SPICE1: variants seen among roughly 807,000 people sequenced by gnomAD.
SPICE1 encodes spindle and centriole-associated protein 1.
In SPICE1, 75 loss-of-function variants were observed where a neutral mutation model predicts 102.7. The observed-to-expected ratio is 0.73, with a 90% CI of 0.61 to 0.88. The LOEUF (loss-of-function observed/expected upper bound fraction) is 0.88. Among genes scored for constraint, SPICE1 ranks in the 40% least tolerant of loss-of-function variants. SPICE1 has a pLI of 0.00. For missense variants in SPICE1, 979 were observed against 1,020.1 expected (o/e 0.96, Z 0.55); for synonymous variants, 308 against 350.3 (o/e 0.88, Z 1.35).
At chr3:113,453,038 T>C (rs893196203) in intron 14 of SPICE1, among the ~76,000 whole-genome samples, 2 of 152,104 alleles carry the variant, frequency 1.3e-5, no homozygotes, top group Non-Finnish European at 2.9e-5. Flanking sequence ...CTCATTTCTA[T>C]AGGAAAATCC....
intron 7 of SPICE1, among the ~76,000 whole-genome samples, chr3:113,480,473 A>C (rs888065697): frequency 3.3e-5 from 5 of 152,190 alleles, no homozygotes; most frequent in African/African-American, 1.2e-4. Flanking sequence ...ATATTAACAA[A>C]CAACCTCCAA....
At chr3:113,501,261 A>G (rs1301282739) in intron 3 of SPICE1, among the ~76,000 whole-genome samples, 4 of 152,192 alleles carry the variant, frequency 2.6e-5, no homozygotes, top group Admixed American at 6.5e-5. Flanking sequence ...AGAAAAATTA[A>G]CTTAAAATGA....
chr3:113,493,149 T>C, intron 6 of SPICE1, 57 bp downstream of exon 6: 1 of 1,259,944 alleles, frequency 7.9e-7, no homozygotes, highest in Non-Finnish European at 1.1e-6. Flanking sequence ...ACAAGGCCTA[T>C]ATCAACTTAA....
intron 7 of SPICE1, among the ~76,000 whole-genome samples, chr3:113,472,398 A>C (rs561363237): frequency 1.1e-3 from 168 of 152,334 alleles, no homozygotes; most frequent in African/African-American, 3.9e-3. Flanking sequence ...CTACAGACTT[A>C]AATGTCCCTG....
At chr3:113,451,197 G>C (rs1935644079) in intron 14 of SPICE1, among the ~76,000 whole-genome samples, 1 of 152,120 alleles carries the variant, frequency 6.6e-6, no homozygotes, top group Admixed American at 6.6e-5. Flanking sequence ...CCATATGTCA[G>C]CCTCCCCAAG....
chr3:113,488,931 C>T lies in SPICE1; in HGVS notation c.611+14G>A, dbSNP rs773205005. 1 of 1,484,974 alleles carries T rather than the reference C, an allele frequency of 6.7e-7. No homozygotes were observed. Among genetic ancestry groups the T allele is most frequent in the South Asian group, 1.2e-5 (1 of 86,436 alleles). The allele number at this position is 1,484,974 out of a possible 1,614,324, so 92.0% of individuals were successfully genotyped here. A position where few individuals can be genotyped will look rare whatever the true frequency, so the allele number is the denominator to read the frequency against. ...AACCTGAGAGTTGTAAATATTTATG[C>T]CATATACACATACCTGTCTGTATTC... is the stretch of plus-strand genomic sequence containing the variant. On this transcript the variant is annotated intron_variant, in intron 7 of 17. Transcript: ENST00000295872.
chr3:113,504,681 TA>T (rs1937075128), intron 2 of SPICE1, among the ~76,000 whole-genome samples: 1 of 151,716 alleles, frequency 6.6e-6, no homozygotes, highest in African/African-American at 2.4e-5. Context: ...GGCATACAAG[TA>T]AGTGATAGGC....
At chr3:113,462,569 G>A (rs1935958648) in intron 11 of SPICE1, among the ~76,000 whole-genome samples, 1 of 152,218 alleles carries the variant, frequency 6.6e-6, no homozygotes, top group African/African-American at 2.4e-5. Context: ...TCCAAGCTTT[G>A]AGAAGTGGTA....
Position 113,506,797 on chromosome 3 carries a change from A to C in SPICE1, c.1-192T>G, listed in dbSNP as rs1298033307. On this transcript the variant is annotated intron_variant, in intron 1 of 17. Coordinates refer to ENST00000295872, the MANE Select transcript of SPICE1 (RefSeq NM_144718.4). ...ACAACTAATAAATGTTGGTACTGATAATTATAATAAAAGAGGTCTCAAGTC... is the reference window on the plus strand; with the variant it reads ...ACAACTAATAAATGTTGGTACTGATCATTATAATAAAAGAGGTCTCAAGTC... Among the ~76,000 whole-genome samples the C allele has an allele frequency of 2.0e-5, 3 of 152,226 alleles. No homozygotes were observed. The South Asian group carries it at 6.2e-4, about 31-fold the overall frequency.
At chr3:113,453,276 G>C (rs1025419777) in intron 14 of SPICE1, among the ~76,000 whole-genome samples, 190 bp downstream of exon 14, 1 of 151,996 alleles carries the variant, frequency 6.6e-6, no homozygotes, top group Non-Finnish European at 1.5e-5. Flanking sequence ...CTTTTATGCT[G>C]TCTTGTATTG....
intron 6 of SPICE1, 46 bp from the exon 7 acceptor site, chr3:113,489,109 T>TAC: frequency 3.3e-6 from 4 of 1,212,206 alleles, no homozygotes; most frequent in Non-Finnish European, 2.4e-6. Flanking sequence ...ATTATATATA[T>TAC]ACTCAGACTT....
intron 10 of SPICE1, 126 bp downstream of exon 10, chr3:113,468,013 G>T (rs979463058): frequency 8.9e-7 from 1 of 1,122,286 alleles, no homozygotes; most frequent in East Asian, 3.0e-5. Flanking sequence ...ATCTAAAACT[G>T]AGGTATTTTA....
intron 1 of SPICE1, among the ~76,000 whole-genome samples, chr3:113,514,115 C>T (rs1009326601): frequency 1.3e-5 from 2 of 152,146 alleles, no homozygotes; most frequent in Non-Finnish European, 2.9e-5. Flanking sequence ...AGGGAAAATG[C>T]ATTTACGAAG....
In SPICE1 at chr3:113,459,436, C is replaced by CAAAAG. The variant is rs1334582142; in HGVS notation, c.1435+1180_1435+1181insCTTTT. On this transcript the variant is annotated intron_variant, in intron 12 of 17. Coordinates refer to ENST00000295872, the MANE Select transcript of SPICE1 (RefSeq NM_144718.4). Reference sequence around the variant, plus strand: ...AATAAATACTAAAAAAAATTAAAAACAAAACAAAACAAAACAAAACAAAAA... The same window carrying CAAAAG: ...AATAAATACTAAAAAAAATTAAAAACAAAAGAAAACAAAACAAAACAAAACAAAAA... 15 of 938,670 alleles carry CAAAAG rather than the reference C, an allele frequency of 1.6e-5. No individual in the cohort carries two copies. The African/African-American group carries it at 3.0e-4, about 19-fold the overall frequency. 58.1% of individuals were successfully genotyped at this position (938,670 alleles called of 1,614,324 possible). A position where few individuals can be genotyped will look rare whatever the true frequency, so the allele number is the denominator to read the frequency against.
At position 113,494,042 on chromosome 3, in the gene SPICE1, T is replaced by C; in HGVS notation, c.385+7A>G. ...AAAATAGAGAAGCTTTTGTTTGAAT[T>C]GAATACCTGTGCGCCTACGAGGAAA... On this transcript the variant is annotated splice_region_variant and intron_variant, in intron 5 of 17. Transcript: ENST00000295872. The C allele has an allele frequency of 1.3e-6, 2 of 1,588,132 alleles. No individual in the cohort carries two copies. The highest frequency in any genetic ancestry group is 1.8e-5 in the Admixed American group (1 of 55,396).
At chr3:113,487,114 ATAACCTTT>A (rs996844194) in intron 7 of SPICE1, among the ~76,000 whole-genome samples, 10 of 152,082 alleles carry the variant, frequency 6.6e-5, no homozygotes, top group African/African-American at 2.4e-4. Flanking sequence ...AATGAATACA[ATAACCTTT>A]TAGAAATCTG....
At chr3:113,487,015 A>T (rs543577940) in intron 7 of SPICE1, among the ~76,000 whole-genome samples, 134 of 152,150 alleles carry the variant, frequency 8.8e-4, no homozygotes, top group Non-Finnish European at 1.7e-3. Context: ...ACTACCCTGA[A>T]AACAGCTTTT....
At chr3:113,476,649 A>T (rs1483130225) in intron 7 of SPICE1, among the ~76,000 whole-genome samples, 1 of 150,264 alleles carries the variant, frequency 6.7e-6, no homozygotes, top group African/African-American at 2.5e-5. Flanking sequence ...CAACTATCTG[A>T]TCTTTGACAA....
chr3:113,477,827 C>T (rs1289992813), intron 7 of SPICE1, among the ~76,000 whole-genome samples: 2 of 151,076 alleles, frequency 1.3e-5, no homozygotes, highest in African/African-American at 4.9e-5. Context: ...AGGAGATATA[C>T]CTAATGCTAA....
Sources: allele counts gnomAD v4.1 joint callset (sites outside exome capture counted in the v4.1 genomes callset), GRCh38; gene constraint gnomAD v4.1.1; transcripts MANE v1.5; gene names NCBI Gene and HGNC (gene_info 2026-07-23, HGNC 2026-07-21).